The following RFX4 variants were observed in gnomAD, a reference collection of about 807,000 sequenced individuals.
RFX4 encodes transcription factor RFX4.
Under a neutral mutation model 95.0 loss-of-function variants are expected in RFX4, and 10 were observed. The ratio of observed to expected loss-of-function variants is 0.11; its 90% CI spans 0.06 to 0.18. The LOEUF is 0.18. RFX4 is among the 10% of genes least tolerant of loss of function. RFX4 has a pLI of 1.00. For missense variants in RFX4, 640 were observed against 922.0 expected, an observed-to-expected ratio of 0.69 and a Z score of 3.96; for synonymous variants, 321 against 340.7, an observed-to-expected ratio of 0.94 and a Z score of 0.64.
intron 17 of RFX4, among the ~76,000 whole-genome samples, chr12:106,757,752 T>G (rs925190333): frequency 6.6e-6 from 1 of 152,154 alleles, no homozygotes; most frequent in African/African-American, 2.4e-5. Context: ...AGCAGCTCAT[T>G]TGGTAAGGGG....
At chr12:106,716,978 T>C (rs944798550) in intron 11 of RFX4, among the ~76,000 whole-genome samples, 1 of 147,376 alleles carries the variant, frequency 6.8e-6, no homozygotes, top group Non-Finnish European at 1.5e-5. Flanking sequence ...GCTGCTCATA[T>C]TGTATTCATG....
chr12:106,749,234 G>A (rs2042954439), intron 16 of RFX4, among the ~76,000 whole-genome samples: 1 of 134,992 alleles, frequency 7.4e-6, no homozygotes, highest in Non-Finnish European at 1.5e-5. Flanking sequence ...CCAGCCTGGA[G>A]AATAGAGCGA....
At chr12:106,651,519 A>G (rs996875093) in intron 3 of RFX4, among the ~76,000 whole-genome samples, 2 of 152,210 alleles carry the variant, frequency 1.3e-5, no homozygotes, top group African/African-American at 4.8e-5. Context: ...TCATCTACAC[A>G]TCAATCTCTC....
At chr12:106,629,492 T>G (rs991682887) in intron 2 of RFX4, among the ~76,000 whole-genome samples, 2 of 152,122 alleles carry the variant, frequency 1.3e-5, no homozygotes, top group Non-Finnish European at 2.9e-5. Flanking sequence ...GTTTTGTTTT[T>G]GTTTTTGAGA....
chr12:106,753,329 AT>A (rs2043045998), intron 17 of RFX4, among the ~76,000 whole-genome samples: 1 of 151,998 alleles, frequency 6.6e-6, no homozygotes, highest in Non-Finnish European at 1.5e-5. Flanking sequence ...GGCATTCATG[AT>A]GGGCATTCAT....
intron 4 of RFX4, 78 bp downstream of exon 4, chr12:106,654,429 A>T: frequency 6.7e-7 from 1 of 1,497,870 alleles, no homozygotes; most frequent in South Asian, 1.4e-5. Context: ...AAAGCATTTT[A>T]GTTATTTTTT....
At chr12:106,697,521 G>T (rs1242099662) in intron 8 of RFX4, among the ~76,000 whole-genome samples, 4 of 151,756 alleles carry the variant, frequency 2.6e-5, no homozygotes, top group Non-Finnish European at 5.9e-5. Context: ...AACTGGCGGG[G>T]TGACTTAAAA....
intron 6 of RFX4, 70 bp from the exon 7 acceptor site, chr12:106,689,217 A>G (rs2041729871): frequency 4.6e-6 from 6 of 1,307,048 alleles, no homozygotes; most frequent in South Asian, 2.4e-5. Flanking sequence ...TTAAAAACTG[A>G]AAGTCCAAGG....
At chr12:106,620,810 C>T (rs979395660) in intron 2 of RFX4, among the ~76,000 whole-genome samples, 3 of 152,104 alleles carry the variant, frequency 2.0e-5, no homozygotes, top group Non-Finnish European at 4.4e-5. Context: ...AAGACAGACA[C>T]TCCCAGAGCG....
intron 15 of RFX4, 102 bp downstream of exon 15, chr12:106,733,187 A>C: frequency 7.7e-7 from 1 of 1,291,146 alleles, no homozygotes. Context: ...ACACACACAA[A>C]AAGCCAGACA....
At chr12:106,608,571 C>T (rs2039886532) in intron 1 of RFX4, among the ~76,000 whole-genome samples, 1 of 152,188 alleles carries the variant, frequency 6.6e-6, no homozygotes, top group Non-Finnish European at 1.5e-5. Context: ...TTCAAAGAGC[C>T]ATTTTGCATC....
chr12:106,696,655 AAGGTAT>A lies in RFX4; in HGVS notation c.833+211_833+216del, dbSNP rs1479827476. Among the ~76,000 whole-genome samples, 20 of 152,320 alleles carry A rather than the reference AAGGTAT, an allele frequency of 1.3e-4. 1 individual carries two copies. The highest frequency in any genetic ancestry group is 3.6e-4 in the African/African-American group (15 of 41,570). ...AACCATTTGTGTGGCTTAAAATTCA[AAGGTAT>A]AAGATGGTGTACAGTAAACAATCTC... is the stretch of plus-strand genomic sequence containing the variant. On this transcript the variant is annotated intron_variant, in intron 8 of 17. Coordinates refer to ENST00000392842, the MANE Select transcript of RFX4 (RefSeq NM_213594.3).
intron 17 of RFX4, among the ~76,000 whole-genome samples, chr12:106,757,020 G>T (rs1190738780): frequency 6.6e-6 from 1 of 152,126 alleles, no homozygotes; most frequent in Non-Finnish European, 1.5e-5. Flanking sequence ...GTTGCTGTGT[G>T]ACTGCAGTAG....
Position 106,740,245 on chromosome 12 carries a change from G to T in RFX4, c.1633+7160G>T, listed in dbSNP as rs144422620. 5.6e-3 allele frequency among the ~76,000 whole-genome samples: 847 copies of T among 152,316 alleles called. 5 individuals are homozygous for T. The highest frequency in any genetic ancestry group is 0.019 in the African/African-American group (793 of 41,566). ...GCCCAGCTGCATTTTCTCTACATCAGTTGAGGATGTAACAAAGATAACCGA... is the reference window on the plus strand; with the variant it reads ...GCCCAGCTGCATTTTCTCTACATCATTTGAGGATGTAACAAAGATAACCGA... On this transcript the variant is annotated intron_variant, in intron 15 of 17. Transcript: ENST00000392842.
At chr12:106,724,881 G>A (rs919449416) in intron 13 of RFX4, among the ~76,000 whole-genome samples, 3 of 151,846 alleles carry the variant, frequency 2.0e-5, no homozygotes, top group Non-Finnish European at 2.9e-5. Context: ...GTGTGGTGGC[G>A]GGTGCCTATA....
At chr12:106,615,695 T>C (rs1291157171) in intron 2 of RFX4, among the ~76,000 whole-genome samples, 3 of 152,178 alleles carry the variant, frequency 2.0e-5, no homozygotes, top group South Asian at 2.1e-4. Context: ...ATTTTACACA[T>C]CTTTCTTTAG....
intron 1 of RFX4, among the ~76,000 whole-genome samples, chr12:106,607,582 G>C (rs1221026621): frequency 6.8e-6 from 1 of 148,018 alleles, no homozygotes; most frequent in Non-Finnish European, 1.5e-5. Flanking sequence ...TGGGGTGGGG[G>C]GGGCGTGGAG....
chr12:106,748,557 A>C (rs1169309780), intron 16 of RFX4, among the ~76,000 whole-genome samples: 1 of 152,256 alleles, frequency 6.6e-6, no homozygotes. Flanking sequence ...TGTTACTTGA[A>C]TCCTCATAGC....
At chr12:106,645,368 G>A (rs1391394068) in intron 3 of RFX4, among the ~76,000 whole-genome samples, 2 of 151,952 alleles carry the variant, frequency 1.3e-5, no homozygotes, top group African/African-American at 2.4e-5. Context: ...GCCCTCGCCC[G>A]CCACCCTTGC....
Sources: allele counts gnomAD v4.1 joint callset (sites outside exome capture counted in the v4.1 genomes callset), GRCh38; gene constraint gnomAD v4.1.1; transcripts MANE v1.5; gene names NCBI Gene and HGNC (gene_info 2026-07-23, HGNC 2026-07-21).